The following IPCEF1 variants were observed in gnomAD, a reference collection of about 807,000 sequenced individuals.
The protein encoded by IPCEF1 is interactor protein for cytohesin exchange factors 1.
Under a neutral mutation model 50.9 loss-of-function variants are expected in IPCEF1, and 31 were observed. That is an observed-to-expected ratio of 0.61 (90% CI 0.46 to 0.82). The LOEUF (loss-of-function observed/expected upper bound fraction) is 0.82, where lower values mean the gene tolerates loss of function less well. Among genes scored for constraint, IPCEF1 ranks in the 40% least tolerant of loss-of-function variants. The pLI is 0.00. For missense variants in IPCEF1, 458 were observed against 514.0 expected, an observed-to-expected ratio of 0.89 and a Z score of 1.05; for synonymous variants, 181 against 192.0, an observed-to-expected ratio of 0.94 and a Z score of 0.47.
chr6:154,347,844 G>T (rs1008584340), intron 1 of IPCEF1, among the ~76,000 whole-genome samples: 4 of 152,170 alleles, frequency 2.6e-5, no homozygotes, highest in South Asian at 2.1e-4. Context: ...GTGGTTTGGT[G>T]CTCAATGCCT....
At chr6:154,325,367 A>G (rs891763247) in intron 1 of IPCEF1, among the ~76,000 whole-genome samples, 1 of 152,220 alleles carries the variant, frequency 6.6e-6, no homozygotes. Flanking sequence ...CATTTTTAGA[A>G]CTACATTGTA....
At chr6:154,235,531 C>CAAA (rs34877577) in intron 5 of IPCEF1, among the ~76,000 whole-genome samples, 33 of 97,414 alleles carry the variant, frequency 3.4e-4, no homozygotes, top group African/African-American at 9.2e-4. Flanking sequence ...AACTCTGTCA[C>CAAA]AAAAAAAAAA....
chr6:154,331,197 G>C (rs1308786783), intron 1 of IPCEF1, among the ~76,000 whole-genome samples: 1 of 151,978 alleles, frequency 6.6e-6, no homozygotes, highest in African/African-American at 2.4e-5. Flanking sequence ...AACCCGGGAA[G>C]TGGAGGCTGC....
chr6:154,346,731 T>C (rs1784036913), intron 1 of IPCEF1, among the ~76,000 whole-genome samples: 1 of 152,180 alleles, frequency 6.6e-6, no homozygotes. Context: ...TAAAGCCTCT[T>C]ATAAAACCAT....
intron 10 of IPCEF1, among the ~76,000 whole-genome samples, chr6:154,186,577 G>A (rs1398732635): frequency 6.6e-6 from 1 of 150,554 alleles, no homozygotes; most frequent in East Asian, 2.0e-4. Flanking sequence ...TTTTTTTTGA[G>A]ACGGAGTCTC....
At chr6:154,179,004 T>A (rs1800599274) in intron 10 of IPCEF1, among the ~76,000 whole-genome samples, 2 of 152,176 alleles carry the variant, frequency 1.3e-5, no homozygotes, top group South Asian at 4.1e-4. Context: ...CTACAACATA[T>A]CACTAAATAC....
chr6:154,160,065 AG>A (rs776649868), intron 11 of IPCEF1, 25 bp from the exon 12 acceptor site: 71 of 1,559,240 alleles, frequency 4.6e-5, no homozygotes, highest in Non-Finnish European at 5.8e-5. Flanking sequence ...AAAAAGGGGA[AG>A]GGGGTATGTT....
Position 154,221,243 on chromosome 6 carries a change from T to C in IPCEF1, c.392+14A>G. 2.5e-6 allele frequency: 4 copies of C among 1,609,636 alleles called. No individual in the cohort carries two copies. In the South Asian group the frequency reaches 4.4e-5, roughly 18 times the overall value. ...TCCCATTAAGGATGGGGTTTACCAGTTTCCTCTACTTACACGTTCATTTCC... is the reference window on the plus strand; with the variant it reads ...TCCCATTAAGGATGGGGTTTACCAGCTTCCTCTACTTACACGTTCATTTCC... On this transcript the variant is annotated intron_variant, in intron 7 of 11. Coordinates refer to ENST00000367220, the MANE Select transcript of IPCEF1 (RefSeq NM_001130700.2).
intron 9 of IPCEF1, among the ~76,000 whole-genome samples, chr6:154,207,975 C>T (rs1003705447): frequency 9.8e-5 from 15 of 152,314 alleles, no homozygotes; most frequent in Non-Finnish European, 1.8e-4. Context: ...ACTGCTATCC[C>T]GATGGAATCG....
chr6:154,154,652 A>C lies in IPCEF1; in HGVS notation c.*5176T>G, dbSNP rs1309938291. 1 of 152,284 alleles carries C rather than the reference A, an allele frequency of 6.6e-6. No homozygotes were observed. The highest frequency in any genetic ancestry group is 1.5e-5 in the Non-Finnish European group (1 of 68,040). 9.4% of individuals were successfully genotyped at this position (152,284 alleles called of 1,614,324 possible). Reference sequence around the variant, plus strand: ...ATGTTTATTTCTTTGAGAAAGCAACACTGCAGGACAAAAATGAACACCAGT... The same window carrying C: ...ATGTTTATTTCTTTGAGAAAGCAACCCTGCAGGACAAAAATGAACACCAGT... On this transcript the variant is annotated 3_prime_UTR_variant, in exon 12 of 12. Coordinates refer to ENST00000367220, the MANE Select transcript of IPCEF1 (RefSeq NM_001130700.2).
chr6:154,308,064 G>A (rs1259002871), intron 1 of IPCEF1, among the ~76,000 whole-genome samples: 1 of 152,198 alleles, frequency 6.6e-6, no homozygotes, highest in Non-Finnish European at 1.5e-5. Flanking sequence ...GGAGAGGGAT[G>A]TAAACAGACA....
At chr6:154,308,975 T>C (rs372727551) in intron 1 of IPCEF1, among the ~76,000 whole-genome samples, 4 of 152,342 alleles carry the variant, frequency 2.6e-5, no homozygotes. Flanking sequence ...AGTGTAAACA[T>C]CTACATTTGG....
chr6:154,308,904 AT>A, intron 1 of IPCEF1, among the ~76,000 whole-genome samples: 1 of 152,368 alleles, frequency 6.6e-6, no homozygotes, highest in South Asian at 2.1e-4. Flanking sequence ...AAGGTGTGAC[AT>A]CTGCAACTCA....
At chr6:154,341,515 C>T (rs950340138) in intron 1 of IPCEF1, among the ~76,000 whole-genome samples, 13 of 152,068 alleles carry the variant, frequency 8.5e-5, no homozygotes, top group African/African-American at 3.1e-4. Context: ...AAAATGGAAC[C>T]TTTGAGAGGG....
chr6:154,317,516 T>C (rs544540336), intron 1 of IPCEF1, among the ~76,000 whole-genome samples: 1 of 111,290 alleles, frequency 9.0e-6, no homozygotes, highest in South Asian at 3.2e-4. Flanking sequence ...ACCACTGCAC[T>C]CCAACCTGGG....
At chr6:154,351,239 A>G (rs1160860540) in intron 1 of IPCEF1, among the ~76,000 whole-genome samples, 4 of 152,334 alleles carry the variant, frequency 2.6e-5, no homozygotes, top group South Asian at 2.1e-4. Context: ...ATATTTTAAA[A>G]TTAGATTGGG....
chr6:154,180,414 A>ATATATAT (rs1241250621), intron 10 of IPCEF1, among the ~76,000 whole-genome samples: 60 of 65,244 alleles, frequency 9.2e-4, no homozygotes, highest in African/African-American at 2.7e-3. Flanking sequence ...ATATATATAT[A>ATATATAT]TTTTTTTTTT....
chr6:154,339,845 CCCT>C (rs1783870610), intron 1 of IPCEF1, among the ~76,000 whole-genome samples: 1 of 152,132 alleles, frequency 6.6e-6, no homozygotes, highest in Non-Finnish European at 1.5e-5. Context: ...CGAGCCACCC[CCCT>C]CACCTCCCAA....
At chr6:154,237,941 T>G (rs1353686919) in intron 5 of IPCEF1, among the ~76,000 whole-genome samples, 1 of 152,222 alleles carries the variant, frequency 6.6e-6, no homozygotes, top group African/African-American at 2.4e-5. Flanking sequence ...TTAGTGTGTG[T>G]GCACTTATGT....
Sources: allele counts gnomAD v4.1 joint callset (sites outside exome capture counted in the v4.1 genomes callset), GRCh38; gene constraint gnomAD v4.1.1; transcripts MANE v1.5; gene names NCBI Gene and HGNC (gene_info 2026-07-23, HGNC 2026-07-21).